Variants in CPD observed in about 807,000 individuals in gnomAD.
CPD encodes carboxypeptidase D.
A neutral mutation model predicts 138.3 loss-of-function variants in CPD; 69 were observed. The observed-to-expected ratio is 0.50, with a 90% confidence interval of 0.41 to 0.61. The LOEUF (loss-of-function observed/expected upper bound fraction) is 0.61. CPD is among the 20% of genes least tolerant of loss of function. The pLI, the probability that CPD is intolerant of heterozygous loss-of-function variation, is 0.00. For missense variants in CPD, 1,432 were observed against 1,733.3 expected (o/e 0.83, Z 3.09); for synonymous variants, 651 against 642.1 (o/e 1.01, Z -0.21).
In CPD at chr17:30,379,200, G is replaced by T; in HGVS notation, c.220G>T (p.Ala74Ser). ...GTCGGCGCTGAGGGAGGCGGCGGCC[G>T]CGGGCCTCCCCGGCCTGGCCCGCCT... ...LESALREAAA[A>S]GLPGLARLFS... is the part of the protein sequence containing the mutation. The change falls in exon 1 of 21, where the codon GCG becomes TCG. Residue 74 changes from alanine (A) to serine (S), a missense_variant. Ala to Ser is a moderately conservative substitution (Grantham distance 99). Around this residue, in one of 6 missense-constraint regions of CPD, gnomAD observed 484 missense variants for 477.2 expected, o/e 1.01. Transcript: ENST00000225719. This position sits in a 1 kb window ranked among gnomAD's most constrained non-coding sequence, Gnocchi z 7.0. 1 of 1,530,260 alleles carries T rather than the reference G, an allele frequency of 6.5e-7. No homozygotes were observed. The highest frequency in any genetic ancestry group is 8.7e-7 in the Non-Finnish European group (1 of 1,143,202). The allele number at this position is 1,530,260 out of a possible 1,614,324, so 94.8% of individuals were successfully genotyped here. A position where few individuals can be genotyped will look rare whatever the true frequency, so the allele number is the denominator to read the frequency against.
intron 2 of CPD, among the ~76,000 whole-genome samples, chr17:30,407,718 C>A (rs2143373628): frequency 6.6e-6 from 1 of 152,074 alleles, no homozygotes; most frequent in African/African-American, 2.4e-5. Context: ...GGATATTAGC[C>A]CTTTGTCAGA....
intron 2 of CPD, among the ~76,000 whole-genome samples, chr17:30,415,985 T>A (rs1241628704): frequency 6.6e-6 from 1 of 151,172 alleles, no homozygotes; most frequent in Non-Finnish European, 1.5e-5. Flanking sequence ...CCGGGGAGAG[T>A]GGCAAAAGGG....
In CPD at chr17:30,391,506, A is replaced by G. The variant is rs573665471; in HGVS notation, c.994+6270A>G. 4.6e-5 allele frequency among the ~76,000 whole-genome samples: 7 copies of G among 152,340 alleles called. 1 individual carries two copies. The highest frequency in any genetic ancestry group is 3.3e-4 in the Admixed American group (5 of 15,304). Reference sequence around the variant, plus strand: ...TTATTTGATCAAAGATCATAGTTTTATGTAACTTTTAGAAGTTTTCTTGGG... The same window carrying G: ...TTATTTGATCAAAGATCATAGTTTTGTGTAACTTTTAGAAGTTTTCTTGGG... On this transcript the variant is annotated intron_variant, in intron 2 of 20. Transcript: ENST00000225719.
chr17:30,438,678 T>C (rs1276458758), intron 8 of CPD, among the ~76,000 whole-genome samples: 1 of 151,872 alleles, frequency 6.6e-6, no homozygotes, highest in Non-Finnish European at 1.5e-5. Flanking sequence ...TAGAGAGGGG[T>C]TCAGCTAGGT....
chr17:30,421,608 A>T, intron 3 of CPD, 56 bp from the exon 4 acceptor site: 1 of 1,511,900 alleles, frequency 6.6e-7, no homozygotes. Context: ...GAGAGAAATT[A>T]TGCGCTCTTG....
chr17:30,459,364 T>C (rs576864977), intron 17 of CPD, among the ~76,000 whole-genome samples: 14 of 151,892 alleles, frequency 9.2e-5, no homozygotes, highest in African/African-American at 3.1e-4. Context: ...TATCTCCTAA[T>C]GCTATCCCTC....
At position 30,393,379 on chromosome 17, in the gene CPD, C is replaced by G. The variant is rs3794795; in HGVS notation, c.994+8143C>G. On this transcript the variant is annotated intron_variant, in intron 2 of 20. Coordinates refer to ENST00000225719, the MANE Select transcript of CPD (RefSeq NM_001304.5). ...TTTGGTCCAGAAATGGACCAGAAAG[C>G]TTATTTTTGAGGAGTATTTTCTGTG... Among the ~76,000 whole-genome samples, 370 of 152,240 alleles carry G rather than the reference C, an allele frequency of 2.4e-3. 8 individuals are homozygous for G. In the East Asian group the frequency reaches 0.067, roughly 28 times the overall value.
At chr17:30,464,467 AAGTGCATG>A (rs1184522792) in intron 20 of CPD, 113 bp from the exon 21 acceptor site, 2 of 725,034 alleles carry the variant, frequency 2.8e-6, no homozygotes, top group Non-Finnish European at 4.6e-6. Context: ...GGTTGTTCTT[AAGTGCATG>A]AAATAGAAAT....
chr17:30,462,364 T>C lies in CPD; in HGVS notation c.3817-6T>C. The C allele has an allele frequency of 6.2e-7, 1 of 1,609,366 alleles. No individual in the cohort carries two copies. Among genetic ancestry groups the C allele is most frequent in the Admixed American group, 1.7e-5 (1 of 59,928 alleles). On this transcript the variant is annotated splice_polypyrimidine_tract_variant and splice_region_variant and intron_variant, in intron 19 of 20. Coordinates refer to ENST00000225719, the MANE Select transcript of CPD (RefSeq NM_001304.5). ...TTGTCATGATTCTTACACTTTCTCC[T>C]TCTAGGTCTTTGTGCATCATGATGC...
At chr17:30,396,477 G>A (rs1303704424) in intron 2 of CPD, among the ~76,000 whole-genome samples, 1 of 152,080 alleles carries the variant, frequency 6.6e-6, no homozygotes, top group African/African-American at 2.4e-5. Flanking sequence ...TGAATCTTTA[G>A]TATCTTTGAA....
chr17:30,403,919 G>A (rs116479490), intron 2 of CPD, among the ~76,000 whole-genome samples: 2,177 of 152,220 alleles, frequency 0.014, 53 homozygotes, highest in African/African-American at 0.05. Context: ...TTATTCAATA[G>A]AATACTTAGT....
rs1912572550 is a variant in CPD at position 30,431,779 on chromosome 17, G to A, written c.2025G>A (p.Leu675=). Residue 675 remains leucine, a synonymous_variant, in exon 8 of 21, where the codon TTG becomes TTA. Coordinates refer to ENST00000225719, the MANE Select transcript of CPD (RefSeq NM_001304.5). ...VLSANLHGGS[L]VVNYPFDDDE... Reference sequence around the variant, plus strand: ...TCCTCTTTTCCCTTATAGGTTCTTTGGTGGTTAACTACCCTTTTGATGATG... The same window carrying A: ...TCCTCTTTTCCCTTATAGGTTCTTTAGTGGTTAACTACCCTTTTGATGATG... 1.2e-6 allele frequency: 2 copies of A among 1,606,448 alleles called. No homozygotes were observed. Among genetic ancestry groups the A allele is most frequent in the African/African-American group, 2.7e-5 (2 of 74,680 alleles).
At chr17:30,438,078 A>G (rs1912754791) in intron 8 of CPD, among the ~76,000 whole-genome samples, 1 of 142,274 alleles carries the variant, frequency 7.0e-6, no homozygotes, top group African/African-American at 2.7e-5. Flanking sequence ...TTCTGAGCTC[A>G]AGCAGTTCTC....
At chr17:30,427,808 C>T (rs73987928) in intron 7 of CPD, among the ~76,000 whole-genome samples, 140 of 150,858 alleles carry the variant, frequency 9.3e-4, no homozygotes, top group African/African-American at 3.4e-3. Flanking sequence ...TTCTCTCCAC[C>T]CCTTTCTCCT....
At chr17:30,460,139 G>A (rs919686533) in intron 17 of CPD, among the ~76,000 whole-genome samples, 1 of 152,182 alleles carries the variant, frequency 6.6e-6, no homozygotes, top group Non-Finnish European at 1.5e-5. Flanking sequence ...TCTCTTTAGA[G>A]GAGATGGCAT....
intron 2 of CPD, among the ~76,000 whole-genome samples, chr17:30,388,468 G>A (rs1432126998): frequency 1.3e-5 from 2 of 152,202 alleles, no homozygotes; most frequent in South Asian, 2.1e-4. Flanking sequence ...TGCCCAGTCC[G>A]GTGGGGGCCC....
intron 5 of CPD, 58 bp from the exon 6 acceptor site, chr17:30,423,448 T>A (rs556860277): frequency 7.8e-7 from 1 of 1,284,810 alleles, no homozygotes; most frequent in East Asian, 2.6e-5. Flanking sequence ...GGAAAAAAAC[T>A]GAGTCCATGA....
intron 1 of CPD, among the ~76,000 whole-genome samples, chr17:30,381,171 C>T (rs968807078): frequency 1.2e-4 from 18 of 152,074 alleles, no homozygotes; most frequent in African/African-American, 3.9e-4. Context: ...TAAATACGAT[C>T]GTGTCATCAC....
At chr17:30,393,745 G>C in intron 2 of CPD, among the ~76,000 whole-genome samples, 1 of 152,194 alleles carries the variant, frequency 6.6e-6, no homozygotes, top group Non-Finnish European at 1.5e-5. Flanking sequence ...GGATGACTAA[G>C]AAACCAGCTG....
Sources: gnomAD v4.1 joint callset for allele counts (sites outside exome capture counted in the v4.1 genomes callset) on GRCh38, gnomAD v4.1.1 for gene constraint, gnomAD v4.1.1 regional missense constraint, Gnocchi (gnomAD v3.1) non-coding constraint, MANE v1.5 for transcripts, NCBI Gene and HGNC (gene_info 2026-07-23, HGNC 2026-07-21) for gene names.